The following SLC6A4 variants were observed in gnomAD, a reference collection of about 807,000 sequenced individuals.
SLC6A4 encodes solute carrier family 6 member 4, also known as sodium-dependent serotonin transporter.
SLC6A4 carries 22 observed loss-of-function variants against 73.4 expected under a neutral mutation model. The observed-to-expected ratio is 0.30, with a 90% confidence interval of 0.21 to 0.43. The LOEUF is 0.43. Among genes scored for constraint, SLC6A4 ranks in the 20% least tolerant of loss-of-function variants. The pLI, the probability that SLC6A4 is intolerant of heterozygous loss-of-function variation, is 1.00. For missense variants in SLC6A4, 593 were observed against 808.5 expected, an observed-to-expected ratio of 0.73 and a Z score of 3.23; for synonymous variants, 270 against 315.5, an observed-to-expected ratio of 0.86 and a Z score of 1.53.
chr17:30,216,345 T>C lies in SLC6A4; in HGVS notation c.838-129A>G, dbSNP rs1385712435. On this transcript the variant is annotated intron_variant, in intron 6 of 14. Coordinates refer to ENST00000650711, the MANE Select transcript of SLC6A4 (RefSeq NM_001045.6). ...GGTGAATGGATGTCAGTGTCTTTTATTCTTGAAGACCTTGAGAAAGGAGGG... is the reference window on the plus strand; with the variant it reads ...GGTGAATGGATGTCAGTGTCTTTTACTCTTGAAGACCTTGAGAAAGGAGGG... 11 of 579,366 alleles carry C rather than the reference T, an allele frequency of 1.9e-5. No homozygotes were observed. The East Asian group carries it at 3.2e-4, about 17-fold the overall frequency. 35.9% of individuals were successfully genotyped at this position (579,366 alleles called of 1,614,324 possible). A position where few individuals can be genotyped will look rare whatever the true frequency, so the allele number is the denominator to read the frequency against.
At chr17:30,224,646 C>T (rs929343476) in intron 1 of SLC6A4, among the ~76,000 whole-genome samples, 2 of 152,180 alleles carry the variant, frequency 1.3e-5, no homozygotes, top group African/African-American at 2.4e-5. Context: ...AGAGGGTCTA[C>T]GGAAGGGAAA....
At position 30,228,396 on chromosome 17, in the gene SLC6A4, C is replaced by T. The variant is rs181439378; in HGVS notation, c.-220-5481G>A. ...GATGTCACTATCACCACCATACATC[C>T]GCAACCCATTGTGCCTTTCTACTTC... On this transcript the variant is annotated intron_variant, in intron 1 of 14. Coordinates refer to ENST00000650711, the MANE Select transcript of SLC6A4 (RefSeq NM_001045.6). Among the ~76,000 whole-genome samples, 26 of 152,314 alleles carry T rather than the reference C, an allele frequency of 1.7e-4. No homozygotes were observed. In the East Asian group the frequency reaches 4.4e-3, roughly 26 times the overall value.
chr17:30,215,996 G>A (rs1567819388), intron 7 of SLC6A4, 86 bp downstream of exon 7: 19 of 1,229,128 alleles, frequency 1.5e-5, no homozygotes, highest in Non-Finnish European at 2.1e-5. Context: ...CCACATTTCA[G>A]TTGTCCCTAC....
intron 10 of SLC6A4, among the ~76,000 whole-genome samples, 181 bp from the exon 11 acceptor site, chr17:30,210,827 A>G (rs1229760632): frequency 6.6e-6 from 1 of 152,214 alleles, no homozygotes; most frequent in Non-Finnish European, 1.5e-5. Flanking sequence ...TTACACTGTC[A>G]TTTAAAGCCC....
At position 30,211,463 on chromosome 17, in the gene SLC6A4, A is replaced by G. The variant is rs1412229797; in HGVS notation, c.1205-39T>C. The G allele has an allele frequency of 5.6e-6, 7 of 1,259,830 alleles. No homozygotes were observed. The highest frequency in any genetic ancestry group is 5.8e-6 in the Non-Finnish European group (5 of 858,058). 78.0% of individuals were successfully genotyped at this position (1,259,830 alleles called of 1,614,324 possible). On this transcript the variant is annotated intron_variant, in intron 9 of 14. Transcript: ENST00000650711. This position sits in a 1 kb window ranked among gnomAD's most constrained non-coding sequence, Gnocchi z 4.0. ...GAGAGAGGAGGAGGTGGTTGACAAG[A>G]CCTGTCCTACAAAGATGTCACAGAG...
intron 1 of SLC6A4, among the ~76,000 whole-genome samples, chr17:30,234,738 G>A (rs916740867): frequency 1.3e-5 from 2 of 152,118 alleles, no homozygotes; most frequent in East Asian, 3.9e-4. Flanking sequence ...CCATTGACCA[G>A]GTTCACTTTT....
intron 14 of SLC6A4, among the ~76,000 whole-genome samples, chr17:30,202,014 C>T (rs1444389641): frequency 6.6e-6 from 1 of 152,040 alleles, no homozygotes; most frequent in Non-Finnish European, 1.5e-5. Context: ...ATCACCTGAG[C>T]CCAGGAGTTT....
chr17:30,215,705 C>A lies in SLC6A4; in HGVS notation c.982G>T (p.Asp328Tyr). ...QKLLETGVWI[D>Y]AAAQIFFSLG... ...GAGAAGAAGATCTGAGCGGCTGCAT[C>A]TATCCACACCTGGAACACAGCAGGG... is the stretch of plus-strand genomic sequence containing the variant. Residue 328 changes from aspartate to tyrosine, a missense_variant, in exon 8 of 15, where the codon GAT becomes TAT. Physicochemically the swap from Asp to Tyr is radical, Grantham distance 160. Transcript: ENST00000650711. The A allele has an allele frequency of 6.2e-7, 1 of 1,613,900 alleles. No individual in the cohort carries two copies.
At chr17:30,216,843 T>TTTG (rs1906591818) in intron 6 of SLC6A4, among the ~76,000 whole-genome samples, 29 of 148,502 alleles carry the variant, frequency 2.0e-4, no homozygotes, top group African/African-American at 6.4e-4. Context: ...TATTGTTTTT[T>TTTG]TTTGTTTGTT....
At chr17:30,223,863 C>G (rs558249443) in intron 1 of SLC6A4, among the ~76,000 whole-genome samples, 89 of 152,232 alleles carry the variant, frequency 5.8e-4, no homozygotes, top group African/African-American at 1.8e-3. Context: ...CCACTTCCCC[C>G]TTCCTTCGGC....
intron 1 of SLC6A4, among the ~76,000 whole-genome samples, chr17:30,226,873 A>AAAAAAAAAAAG (rs1167265209): frequency 4.4e-5 from 2 of 45,854 alleles, no homozygotes; most frequent in Non-Finnish European, 8.4e-5. Context: ...ACTCTGTCTC[A>AAAAAAAAAAAG]AAAAAAAAAG....
At position 30,203,152 on chromosome 17, in the gene SLC6A4, A is replaced by G. The variant is rs1448720036; in HGVS notation, c.1818+20T>C. 1.3e-6 allele frequency: 2 copies of G among 1,588,616 alleles called. No individual in the cohort carries two copies. Among genetic ancestry groups the G allele is most frequent in the Non-Finnish European group, 1.7e-6 (2 of 1,157,516 alleles). On this transcript the variant is annotated intron_variant, in intron 14 of 14. Coordinates refer to ENST00000650711, the MANE Select transcript of SLC6A4 (RefSeq NM_001045.6). ...ATTAGTAGTCTGAACACACACATAT[A>G]CACACTAACTAGCACGTACCTCTTT... is the stretch of plus-strand genomic sequence containing the variant.
At chr17:30,223,054 A>G (rs919060683) in intron 1 of SLC6A4, 139 bp from the exon 2 acceptor site, 2 of 364,610 alleles carry the variant, frequency 5.5e-6, no homozygotes, top group Non-Finnish European at 1.1e-5. Context: ...AAGTCAGCTC[A>G]GCTCTGGCTT....
chr17:30,208,057 C>T (rs1330852713), intron 12 of SLC6A4, among the ~76,000 whole-genome samples: 1 of 152,100 alleles, frequency 6.6e-6, no homozygotes, highest in Non-Finnish European at 1.5e-5. Context: ...GGCTGGGGGA[C>T]TTGTCACAAA....
chr17:30,195,947 G>C lies in SLC6A4; in HGVS notation c.*2509C>G, dbSNP rs1050025592. ...TTCTCCTGCCTCAGCCTCCCAAGTA[G>C]CAGGAATTATAGGCGCCTGCCACCA... is the stretch of plus-strand genomic sequence containing the variant. On this transcript the variant is annotated 3_prime_UTR_variant, in exon 15 of 15. Transcript: ENST00000650711. 1 of 151,612 alleles carries C rather than the reference G, an allele frequency of 6.6e-6. No homozygotes were observed. The highest frequency in any genetic ancestry group is 1.5e-5 in the Non-Finnish European group (1 of 67,994). The allele number at this position is 151,612 out of a possible 1,614,324, so 9.4% of individuals were successfully genotyped here.
chr17:30,200,531 A>G (rs1434467530), intron 14 of SLC6A4, among the ~76,000 whole-genome samples: 2 of 152,212 alleles, frequency 1.3e-5, no homozygotes, highest in Admixed American at 6.5e-5. Flanking sequence ...TACACCAGTA[A>G]GCGGTGGCTC....
intron 13 of SLC6A4, among the ~76,000 whole-genome samples, chr17:30,205,302 T>C (rs1219232270): frequency 1.3e-5 from 2 of 152,190 alleles, no homozygotes; most frequent in African/African-American, 4.8e-5. Context: ...CTAGACATCA[T>C]TTCCTCACTG....
At chr17:30,221,411 C>T (rs1292839631) in intron 3 of SLC6A4, among the ~76,000 whole-genome samples, 1 of 113,662 alleles carries the variant, frequency 8.8e-6, no homozygotes, top group African/African-American at 3.1e-5. Flanking sequence ...CACAGCCCAC[C>T]CGGGTCACAG....
intron 9 of SLC6A4, among the ~76,000 whole-genome samples, chr17:30,212,128 G>A (rs1906406426): frequency 6.6e-6 from 1 of 152,070 alleles, no homozygotes; most frequent in African/African-American, 2.4e-5. Flanking sequence ...CGGTAAAATA[G>A]AGTGGTCATA....
Sources: allele counts gnomAD v4.1 joint callset (sites outside exome capture counted in the v4.1 genomes callset), GRCh38; gene constraint gnomAD v4.1.1; non-coding constraint Gnocchi (gnomAD v3.1); transcripts MANE v1.5; gene names NCBI Gene and HGNC (gene_info 2026-07-23, HGNC 2026-07-21).